LYPD6B: variants seen among roughly 807,000 people sequenced by gnomAD.
The protein encoded by LYPD6B is ly6/PLAUR domain-containing protein 6B.
In LYPD6B, 17 loss-of-function variants were observed where a neutral mutation model predicts 22.8. That is an observed-to-expected ratio of 0.75 (90% CI 0.51 to 1.12). The LOEUF (loss-of-function observed/expected upper bound fraction) is 1.12. Among genes scored for constraint, LYPD6B ranks in the 50% most tolerant of loss-of-function variants. LYPD6B has a pLI of 0.00. For synonymous variants in LYPD6B, 106 were observed against 91.6 expected, an observed-to-expected ratio of 1.16 and a Z score of -0.90; for missense variants, 221 against 258.3, an observed-to-expected ratio of 0.86 and a Z score of 0.99.
At chr2:149,158,911 C>T (rs1224760988) in intron 2 of LYPD6B, among the ~76,000 whole-genome samples, 1 of 152,172 alleles carries the variant, frequency 6.6e-6, no homozygotes, top group Non-Finnish European at 1.5e-5. Flanking sequence ...TAGTCTCAGA[C>T]AGTTGTAGCC....
At chr2:149,142,556 C>G (rs427722) in intron 2 of LYPD6B, among the ~76,000 whole-genome samples, 1 of 151,944 alleles carries the variant, frequency 6.6e-6, no homozygotes, top group Non-Finnish European at 1.5e-5. Flanking sequence ...CAGGAGATAC[C>G]GCATCCTTAA....
rs1238782921 is a variant in LYPD6B at position 149,205,158 on chromosome 2, A to G, written c.78-95A>G. Reference sequence around the variant, plus strand: ...CTACACAACAGGTAGATGGTTGGATATATTTGGATAATGGAGCTTTCCAAA... The same window carrying G: ...CTACACAACAGGTAGATGGTTGGATGTATTTGGATAATGGAGCTTTCCAAA... On this transcript the variant is annotated intron_variant, in intron 3 of 6. Coordinates refer to ENST00000409642, the MANE Select transcript of LYPD6B (RefSeq NM_177964.5). The G allele has an allele frequency of 6.3e-6, 8 of 1,279,686 alleles. No homozygotes were observed. The East Asian group carries it at 7.0e-5, about 11-fold the overall frequency. 79.3% of individuals were successfully genotyped at this position (1,279,686 alleles called of 1,614,324 possible).
intron 1 of LYPD6B, among the ~76,000 whole-genome samples, chr2:149,092,722 A>G (rs892297097): frequency 3.3e-5 from 5 of 152,102 alleles, no homozygotes; most frequent in East Asian, 1.9e-4. Context: ...GCTAACTTCA[A>G]TATGTTTATG....
At chr2:149,081,290 T>G (rs1685122001) in intron 1 of LYPD6B, among the ~76,000 whole-genome samples, 2 of 152,236 alleles carry the variant, frequency 1.3e-5, no homozygotes, top group Non-Finnish European at 2.9e-5. Context: ...GACTAGATGT[T>G]GGTTCCCAAT....
intron 1 of LYPD6B, among the ~76,000 whole-genome samples, chr2:149,086,345 T>C (rs979089980): frequency 1.3e-5 from 2 of 152,188 alleles, no homozygotes; most frequent in East Asian, 1.9e-4. Context: ...CTTGTGGATA[T>C]TGGGTCTCGT....
chr2:149,126,680 G>T (rs1687716261), intron 1 of LYPD6B, among the ~76,000 whole-genome samples: 1 of 152,116 alleles, frequency 6.6e-6, no homozygotes, highest in Non-Finnish European at 1.5e-5. Flanking sequence ...TCGTTCAAGG[G>T]TCAACCATGC....
chr2:149,120,383 A>ATATATATATATTTTTTTT (rs1327065975), intron 1 of LYPD6B, among the ~76,000 whole-genome samples: 1 of 48,614 alleles, frequency 2.1e-5, no homozygotes, highest in African/African-American at 1.1e-4. Context: ...ATATATATAT[A>ATATATATATATTTTTTTT]TTTTTTTTTT....
chr2:149,154,438 T>C (rs1208463425), intron 2 of LYPD6B, among the ~76,000 whole-genome samples: 2 of 152,068 alleles, frequency 1.3e-5, no homozygotes, highest in Non-Finnish European at 2.9e-5. Flanking sequence ...TATGGCCTTC[T>C]GGCCCTTCAG....
intron 1 of LYPD6B, among the ~76,000 whole-genome samples, chr2:149,102,329 CG>C: frequency 6.6e-6 from 1 of 152,224 alleles, no homozygotes. Context: ...CACAGTGAGA[CG>C]GAACTATTGA....
At chr2:149,046,963 C>A (rs913938164) in intron 1 of LYPD6B, among the ~76,000 whole-genome samples, 12 of 152,226 alleles carry the variant, frequency 7.9e-5, no homozygotes, top group South Asian at 4.1e-4. Flanking sequence ...TATTCTTAAA[C>A]AATTCTTTAC....
intron 2 of LYPD6B, among the ~76,000 whole-genome samples, chr2:149,144,497 G>C (rs1192977040): frequency 6.6e-6 from 1 of 152,032 alleles, no homozygotes; most frequent in Non-Finnish European, 1.5e-5. Context: ...GTTCAAGCGA[G>C]TCTCCTGCCT....
intron 1 of LYPD6B, among the ~76,000 whole-genome samples, chr2:149,109,008 C>G (rs776397863): frequency 1.3e-5 from 2 of 152,054 alleles, no homozygotes; most frequent in Non-Finnish European, 2.9e-5. Context: ...ATATATTTTA[C>G]TTGTACATAT....
At chr2:149,164,100 G>C (rs1436983711) in intron 3 of LYPD6B, among the ~76,000 whole-genome samples, 1 of 152,136 alleles carries the variant, frequency 6.6e-6, no homozygotes, top group Admixed American at 6.5e-5. Flanking sequence ...GGTGGGGTGT[G>C]TGTTCTAGTT....
intron 1 of LYPD6B, among the ~76,000 whole-genome samples, chr2:149,094,949 A>C (rs1046464587): frequency 2.6e-5 from 4 of 152,178 alleles, no homozygotes; most frequent in African/African-American, 9.7e-5. Context: ...TTAATGTTTA[A>C]GAATTTTGAT....
chr2:149,149,759 G>T (rs145881868), intron 2 of LYPD6B, among the ~76,000 whole-genome samples: 2 of 151,910 alleles, frequency 1.3e-5, no homozygotes, highest in African/African-American at 2.4e-5. Flanking sequence ...CCTTCATATC[G>T]TCTATCCTCA....
At chr2:149,050,356 G>C (rs1574873673) in intron 1 of LYPD6B, among the ~76,000 whole-genome samples, 1 of 152,000 alleles carries the variant, frequency 6.6e-6, no homozygotes, top group Admixed American at 6.6e-5. Flanking sequence ...TTTCACCCTG[G>C]AGACAGTCTT....
intron 1 of LYPD6B, among the ~76,000 whole-genome samples, chr2:149,074,710 T>C (rs10803787): frequency 0.39 from 58,750 of 152,148 alleles, 11,502 homozygotes; most frequent in South Asian, 0.44. Context: ...ACTAAGTGGT[T>C]TCTCTGGGCC....
At chr2:149,044,708 CTT>C (rs1373008343) in intron 1 of LYPD6B, among the ~76,000 whole-genome samples, 2 of 152,006 alleles carry the variant, frequency 1.3e-5, no homozygotes, top group Non-Finnish European at 2.9e-5. Flanking sequence ...AGCAATAAAT[CTT>C]TCACTGTTAA....
At chr2:149,058,281 T>C (rs1316350710) in intron 1 of LYPD6B, among the ~76,000 whole-genome samples, 1 of 152,248 alleles carries the variant, frequency 6.6e-6, no homozygotes, top group Non-Finnish European at 1.5e-5. Context: ...TACACTCCAA[T>C]GGGAGCAGTC....
Sources: gnomAD v4.1 joint callset for allele counts (sites outside exome capture counted in the v4.1 genomes callset) on GRCh38, gnomAD v4.1.1 for gene constraint, MANE v1.5 for transcripts, NCBI Gene and HGNC (gene_info 2026-07-23, HGNC 2026-07-21) for gene names.